The following PARD3B variants were observed in gnomAD, a reference collection of about 807,000 sequenced individuals.
PARD3B encodes the protein partitioning defective 3 homolog B.
In PARD3B, 103 loss-of-function variants were observed where a neutral mutation model predicts 130.2. The observed-to-expected ratio is 0.79, with a 90% CI of 0.67 to 0.93. The LOEUF (loss-of-function observed/expected upper bound fraction) is 0.93, where lower values mean the gene tolerates loss of function less well. PARD3B is among the 40% of genes least tolerant of loss of function. PARD3B has a pLI of 0.00. For synonymous variants in PARD3B, 583 were observed against 553.2 expected, an observed-to-expected ratio of 1.05 and a Z score of -0.76; for missense variants, 1,609 against 1,499.2, an observed-to-expected ratio of 1.07 and a Z score of -1.21.
intron 1 of PARD3B, among the ~76,000 whole-genome samples, chr2:204,644,862 G>A (rs1017263619): frequency 6.6e-6 from 1 of 152,136 alleles, no homozygotes; most frequent in Non-Finnish European, 1.5e-5. Context: ...TCCCCAGAGA[G>A]CTAGAGAATA....
chr2:204,759,478 G>A (rs41454345), intron 2 of PARD3B, among the ~76,000 whole-genome samples: 2 of 151,942 alleles, frequency 1.3e-5, no homozygotes, highest in African/African-American at 4.8e-5. Flanking sequence ...ATAATGTATT[G>A]TTTTGAACCT....
At chr2:204,831,148 G>C (rs2043802724) in intron 2 of PARD3B, among the ~76,000 whole-genome samples, 1 of 151,944 alleles carries the variant, frequency 6.6e-6, no homozygotes, top group South Asian at 2.1e-4. Flanking sequence ...TGTTTTCTTA[G>C]ATACTATGTT....
At chr2:204,583,046 C>T (rs1047428440) in intron 1 of PARD3B, among the ~76,000 whole-genome samples, 1 of 150,564 alleles carries the variant, frequency 6.6e-6, no homozygotes, top group Non-Finnish European at 1.5e-5. Flanking sequence ...ACTAGTTCAA[C>T]CATTGTGGAA....
intron 1 of PARD3B, among the ~76,000 whole-genome samples, chr2:204,547,812 C>G (rs1157303454): frequency 6.6e-6 from 1 of 152,070 alleles, no homozygotes; most frequent in Non-Finnish European, 1.5e-5. Context: ...AGAGAACTAA[C>G]CAGCTGATAT....
In PARD3B at chr2:204,638,440, A is replaced by G. The variant is rs113241845; in HGVS notation, c.121-47741A>G. The stretch of plus-strand genomic sequence containing the variant: ...CTGGAGAATTGTGATCTAGCACTGC[A>G]ATGTGCTGAATTGATTTTCACACAT... On this transcript the variant is annotated intron_variant, in intron 1 of 22. Transcript: ENST00000406610. Among the ~76,000 whole-genome samples the G allele has an allele frequency of 3.0e-3, 456 of 152,338 alleles. 1 individual carries two copies. The highest frequency in any genetic ancestry group is 9.7e-3 in the African/African-American group (405 of 41,594).
At chr2:204,733,702 A>G (rs1001234183) in intron 2 of PARD3B, among the ~76,000 whole-genome samples, 2 of 152,142 alleles carry the variant, frequency 1.3e-5, no homozygotes, top group Non-Finnish European at 2.9e-5. Context: ...AGATAGATCA[A>G]TAACTTGAAT....
intron 16 of PARD3B, among the ~76,000 whole-genome samples, chr2:205,246,447 C>G (rs113479600): frequency 0.02 from 2,976 of 152,240 alleles, 78 homozygotes; most frequent in African/African-American, 0.054. Context: ...GCCTTCTATT[C>G]CTTTTTCCTT....
At chr2:205,220,814 G>C (rs529155893) in intron 15 of PARD3B, among the ~76,000 whole-genome samples, 1 of 152,314 alleles carries the variant, frequency 6.6e-6, no homozygotes, top group South Asian at 2.1e-4. Flanking sequence ...TAGCACCACA[G>C]TATGGAAAAG....
intron 11 of PARD3B, among the ~76,000 whole-genome samples, chr2:205,166,433 C>T (rs1033060898): frequency 5.3e-5 from 8 of 152,308 alleles, no homozygotes; most frequent in Admixed American, 2.0e-4. Context: ...CACCAAAGTA[C>T]AGTCTGTTGT....
chr2:205,217,905 TA>T (rs66486584), intron 15 of PARD3B, among the ~76,000 whole-genome samples: 30,073 of 89,576 alleles, frequency 0.34, 8,449 homozygotes, highest in Admixed American at 0.44. Flanking sequence ...TTTTTTTTTT[TA>T]TTTTTTTGAG....
Position 205,401,098 on chromosome 2 carries a change from G to C in PARD3B, c.2716G>C (p.Glu906Gln), listed in dbSNP as rs772269623. ...KHGGLREEEL[E>Q]KMKEERERIG... ...TGGTGGCCTGAGAGAAGAAGAGCTG[G>C]AGAAAATGAAAGAAGAGCGTGAAAG... The change falls in exon 19 of 23, where the codon GAG becomes CAG. Residue 906 changes from glutamate to glutamine, a missense_variant. Glu to Gln is a conservative substitution (Grantham distance 29, BLOSUM62 2). Coordinates refer to ENST00000406610, the MANE Select transcript of PARD3B (RefSeq NM_001302769.2). The C allele has an allele frequency of 1.3e-6, 2 of 1,598,754 alleles. No homozygotes were observed. The highest frequency in any genetic ancestry group is 8.5e-7 in the Non-Finnish European group (1 of 1,172,516).
chr2:205,235,580 C>G (rs991662565), intron 15 of PARD3B, among the ~76,000 whole-genome samples: 1 of 152,034 alleles, frequency 6.6e-6, no homozygotes, highest in Non-Finnish European at 1.5e-5. Flanking sequence ...ATCTGATAAC[C>G]AAAATGCTTA....
rs184876379 is a variant in PARD3B, at chr2:205,189,708, C to T, written c.2025-3497C>T. On this transcript the variant is annotated intron_variant, in intron 14 of 22. Coordinates refer to ENST00000406610, the MANE Select transcript of PARD3B (RefSeq NM_001302769.2). ...AACTTACATGTCTAAAATATTTTCA[C>T]ATGAACTAACTCAATACGGCACTCA... is the stretch of plus-strand genomic sequence containing the variant. 1.8e-4 allele frequency among the ~76,000 whole-genome samples: 28 copies of T among 152,302 alleles called. No individual in the cohort carries two copies. In the East Asian group the frequency reaches 4.8e-3, roughly 26 times the overall value.
intron 1 of PARD3B, among the ~76,000 whole-genome samples, chr2:204,602,470 T>G (rs2033553733): frequency 6.6e-6 from 1 of 152,008 alleles, no homozygotes; most frequent in South Asian, 2.1e-4. Context: ...ACAAAACTGT[T>G]GAGTTCAAGA....
chr2:204,697,563 A>C (rs1179912834), intron 2 of PARD3B, among the ~76,000 whole-genome samples: 2 of 152,048 alleles, frequency 1.3e-5, no homozygotes, highest in Admixed American at 1.3e-4. Context: ...ATCTGCCAGG[A>C]ATTCCTCTTT....
intron 2 of PARD3B, among the ~76,000 whole-genome samples, chr2:204,731,580 C>T (rs578110943): frequency 1.3e-5 from 2 of 152,228 alleles, no homozygotes; most frequent in South Asian, 4.1e-4. Flanking sequence ...TGAGAGTTGA[C>T]TTTTCTCTGG....
At chr2:205,343,964 T>A (rs1413858207) in intron 18 of PARD3B, among the ~76,000 whole-genome samples, 1 of 152,200 alleles carries the variant, frequency 6.6e-6, no homozygotes, top group Admixed American at 6.5e-5. Context: ...TCTTTTCTTT[T>A]CTTCTCTTTT....
chr2:204,985,860 G>C (rs1693087458), intron 3 of PARD3B, among the ~76,000 whole-genome samples: 1 of 152,094 alleles, frequency 6.6e-6, no homozygotes, highest in Non-Finnish European at 1.5e-5. Flanking sequence ...CAGCACTTTA[G>C]GAGGCCGAGG....
At chr2:205,185,567 AT>A (rs2125786818) in intron 13 of PARD3B, among the ~76,000 whole-genome samples, 196 bp from the exon 14 acceptor site, 1 of 152,322 alleles carries the variant, frequency 6.6e-6, no homozygotes, top group Non-Finnish European at 1.5e-5. Context: ...GTAAAAACAT[AT>A]TAGCAGGCTT....
Sources: allele counts gnomAD v4.1 joint callset (sites outside exome capture counted in the v4.1 genomes callset), GRCh38; gene constraint gnomAD v4.1.1; transcripts MANE v1.5; gene names NCBI Gene and HGNC (gene_info 2026-07-23, HGNC 2026-07-21).